The following ICE2 variants were observed in gnomAD, a reference collection of about 807,000 sequenced individuals.
The protein encoded by ICE2 is little elongation complex subunit 2.
ICE2 carries 87 observed loss-of-function variants against 105.4 expected under a neutral mutation model. The ratio of observed to expected loss-of-function variants is 0.83; its 90% confidence interval spans 0.69 to 0.99. The LOEUF (loss-of-function observed/expected upper bound fraction) is 0.99. Among genes scored for constraint, ICE2 ranks in the 50% least tolerant of loss-of-function variants. The pLI is 0.00. For missense variants in ICE2, 1,323 were observed against 1,146.7 expected, an observed-to-expected ratio of 1.15 and a Z score of -2.22; for synonymous variants, 399 against 392.0, an observed-to-expected ratio of 1.02 and a Z score of -0.21.
intron 13 of ICE2, among the ~76,000 whole-genome samples, chr15:60,434,520 TACACACACACACACACACACAC>T (rs71122858): frequency 0.2 from 28,929 of 144,798 alleles, 2,977 homozygotes; most frequent in South Asian, 0.32. Context: ...AAAATGTGAT[TACACACACACACACACACACAC>T]ACACACACAC....
At chr15:60,426,741 A>G (rs1377218050) in intron 15 of ICE2, among the ~76,000 whole-genome samples, 1 of 152,224 alleles carries the variant, frequency 6.6e-6, no homozygotes, top group Non-Finnish European at 1.5e-5. Context: ...CCAAGGTATT[A>G]AACTGTTCAT....
At chr15:60,429,481 C>T (rs1425682550) in intron 14 of ICE2, among the ~76,000 whole-genome samples, 1 of 152,142 alleles carries the variant, frequency 6.6e-6, no homozygotes, top group Non-Finnish European at 1.5e-5. Flanking sequence ...CCACATTTTT[C>T]CTTTCTCCTT....
chr15:60,436,737 A>G (rs997142031), intron 12 of ICE2, among the ~76,000 whole-genome samples: 2 of 151,174 alleles, frequency 1.3e-5, no homozygotes, highest in African/African-American at 2.4e-5. Flanking sequence ...AAAAAAAAAA[A>G]AAAGAAAGTT....
intron 13 of ICE2, among the ~76,000 whole-genome samples, chr15:60,435,887 C>T (rs1004731556): frequency 6.6e-6 from 1 of 151,792 alleles, no homozygotes; most frequent in African/African-American, 2.4e-5. Flanking sequence ...GTGGGAGGAT[C>T]CCTTGAACCG....
At chr15:60,425,927 T>C (rs908671108) in intron 15 of ICE2, among the ~76,000 whole-genome samples, 1 of 151,980 alleles carries the variant, frequency 6.6e-6, no homozygotes, top group African/African-American at 2.4e-5. Flanking sequence ...GGGAGGTGAG[T>C]AGATCACCAA....
intron 11 of ICE2, among the ~76,000 whole-genome samples, chr15:60,443,825 G>A (rs1383157442): frequency 6.6e-6 from 1 of 152,126 alleles, no homozygotes; most frequent in African/African-American, 2.4e-5. Flanking sequence ...TGGGTGCAGT[G>A]GCTCATGCCT....
At chr15:60,468,722 GCTA>G (rs2064499208) in intron 3 of ICE2, among the ~76,000 whole-genome samples, 1 of 152,108 alleles carries the variant, frequency 6.6e-6, no homozygotes. Context: ...GTGAATAAAA[GCTA>G]CTAAGAACAG....
chr15:60,476,116 A>G lies in ICE2; in HGVS notation c.93T>C (p.Tyr31=). 6.2e-7 allele frequency: 1 copy of G among 1,609,392 alleles called. No individual in the cohort carries two copies. Among genetic ancestry groups the G allele is most frequent in the Non-Finnish European group, 8.5e-7 (1 of 1,178,342 alleles). ...AACTTGGAGCCATGGAATGATCTTT[A>G]TAATTTTCTCGAGAGAAAAATGTCT... ...GLKTFFSREN[Y]KDHSMAPSLK... The change falls in exon 3 of 16, where the codon TAT becomes TAC. Residue 31 remains tyrosine (Y), a synonymous_variant. Transcript: ENST00000261520.
intron 5 of ICE2, among the ~76,000 whole-genome samples, chr15:60,463,416 A>G (rs2064334055): frequency 6.6e-6 from 1 of 152,212 alleles, no homozygotes; most frequent in African/African-American, 2.4e-5. Context: ...CTAAGAATCA[A>G]AAAGCACAAT....
At position 60,449,667 on chromosome 15, in the gene ICE2, C is replaced by A; in HGVS notation, c.1300G>T (p.Ala434Ser). 7 of 1,614,018 alleles carry A rather than the reference C, an allele frequency of 4.3e-6. No homozygotes were observed. The highest frequency in any genetic ancestry group is 1.1e-5 in the South Asian group (1 of 91,068). Reference protein sequence around the residue: ...TVPNMTDAPTAPKAGTTTVAP... With the variant: ...TVPNMTDAPTSPKAGTTTVAP... The stretch of plus-strand genomic sequence containing the variant: ...ACAGTTGTAGTTCCTGCTTTGGGGG[C>A]TGTAGGAGCATCTGTCATGTTAGGT... Residue 434 changes from alanine (A) to serine (S), a missense_variant, in exon 10 of 16, where the codon GCC (alanine) becomes TCC (serine). By Grantham distance (99) the Ala-to-Ser change is moderately conservative. Coordinates refer to ENST00000261520, the MANE Select transcript of ICE2 (RefSeq NM_024611.6).
chr15:60,451,602 A>G, intron 9 of ICE2: 1 of 984,946 alleles, frequency 1.0e-6, no homozygotes, highest in Non-Finnish European at 1.2e-6. Context: ...TCATCCTCTC[A>G]TTTTTACTTA....
intron 5 of ICE2, among the ~76,000 whole-genome samples, chr15:60,460,188 A>G (rs2064235529): frequency 6.6e-6 from 1 of 152,158 alleles, no homozygotes; most frequent in South Asian, 2.1e-4. Flanking sequence ...TAATGGAACA[A>G]AACAGAGTCA....
At chr15:60,466,831 A>G in intron 4 of ICE2, 118 bp from the exon 5 acceptor site, 2 of 832,730 alleles carry the variant, frequency 2.4e-6, no homozygotes, top group Non-Finnish European at 1.8e-6. Flanking sequence ...TCAAATCCAA[A>G]GCAGAAATCA....
intron 13 of ICE2, among the ~76,000 whole-genome samples, chr15:60,433,125 C>T (rs1277094688): frequency 6.6e-6 from 1 of 151,180 alleles, no homozygotes; most frequent in Non-Finnish European, 1.5e-5. Context: ...CGCTCTGTCG[C>T]CCAGGCTGGA....
At chr15:60,437,886 T>C (rs1276901406) in intron 12 of ICE2, 1 of 151,850 alleles carries the variant, frequency 6.6e-6, no homozygotes. Context: ...GGTCTCGAAC[T>C]ACTGGCCTCA....
intron 14 of ICE2, 83 bp downstream of exon 14, chr15:60,431,851 T>A: frequency 5.3e-6 from 4 of 754,596 alleles, no homozygotes; most frequent in Non-Finnish European, 9.0e-6. Context: ...TCTCTATTCC[T>A]AACAGTACAT....
intron 14 of ICE2, among the ~76,000 whole-genome samples, chr15:60,430,804 T>C (rs546337895): frequency 6.6e-6 from 1 of 152,336 alleles, no homozygotes; most frequent in Non-Finnish European, 1.5e-5. Flanking sequence ...ACAAAACAGT[T>C]TGGCAAATCA....
In ICE2 at chr15:60,477,946, C is replaced by T. The variant is rs138355312; in HGVS notation, c.32G>A (p.Gly11Glu). 9 of 1,614,090 alleles carry T rather than the reference C, an allele frequency of 5.6e-6. No individual in the cohort carries two copies. The highest frequency in any genetic ancestry group is 4.4e-5 in the South Asian group (4 of 91,078). Residue 11 changes from glycine (G) to glutamate (E), a missense_variant, in exon 2 of 16, where the codon GGA becomes GAA. By Grantham distance (98) the Gly-to-Glu change is moderately conservative. Coordinates refer to ENST00000261520, the MANE Select transcript of ICE2 (RefSeq NM_024611.6). MSSKMVISEP[G>E]LNWDISPKNG... ...AGTGGCTACAACTCACCAATTCAGT[C>T]CTGGTTCACTTATGACCATCTTGGA...
chr15:60,456,777 G>A lies in ICE2; in HGVS notation c.546C>T (p.Cys182=). The A allele has an allele frequency of 6.7e-7, 1 of 1,488,346 alleles. No individual in the cohort carries two copies. The highest frequency in any genetic ancestry group is 8.9e-7 in the Non-Finnish European group (1 of 1,118,946). The allele number at this position is 1,488,346 out of a possible 1,614,324, so 92.2% of individuals were successfully genotyped here. Residue 182 remains cysteine, a synonymous_variant, in exon 6 of 16, where the codon TGC becomes TGT. Coordinates refer to ENST00000261520, the MANE Select transcript of ICE2 (RefSeq NM_024611.6). ...RLFTEKILRA[C]IEQVKKYSEF... ...CTGAATACTTTTTCACTTGTTCAAT[G>A]CAAGCTCTTAAAATTTTCTGAGAAA... is the stretch of plus-strand genomic sequence containing the variant.
Sources: gnomAD v4.1 joint callset for allele counts (sites outside exome capture counted in the v4.1 genomes callset) on GRCh38, gnomAD v4.1.1 for gene constraint, MANE v1.5 for transcripts, NCBI Gene and HGNC (gene_info 2026-07-23, HGNC 2026-07-21) for gene names.